Variants in ZBTB20 observed in about 807,000 individuals in gnomAD.
ZBTB20 encodes zinc finger and BTB domain containing 20, also known as zinc finger and BTB domain-containing protein 20.
In ZBTB20, 9 loss-of-function variants were observed where a neutral mutation model predicts 56.9. That is an observed-to-expected ratio of 0.16 (90% CI 0.10 to 0.28). ZBTB20 has a LOEUF of 0.28. ZBTB20 is among the 10% of genes least tolerant of loss of function. The pLI is 1.00. For missense variants in ZBTB20, 655 were observed against 1,003.0 expected (o/e 0.65, Z 4.69); for synonymous variants, 417 against 420.7 (o/e 0.99, Z 0.11).
chr3:114,779,378 G>A (rs1303571365), intron 5 of ZBTB20, among the ~76,000 whole-genome samples: 1 of 152,054 alleles, frequency 6.6e-6, no homozygotes, highest in Non-Finnish European at 1.5e-5. Flanking sequence ...AGTTCCTAGA[G>A]GGTTGAGAAC....
chr3:114,335,897 C>T lies in ZBTB20; in HGVS notation c.*3108G>A, dbSNP rs1319126265. 2 of 152,136 alleles carry T rather than the reference C, an allele frequency of 1.3e-5. No homozygotes were observed. The highest frequency in any genetic ancestry group is 2.9e-5 in the Non-Finnish European group (2 of 68,012). 9.4% of individuals were successfully genotyped at this position (152,136 alleles called of 1,614,324 possible). Reference sequence around the variant, plus strand: ...CAAGTCACCTGCAGCTTTTTCTCTACATGTTCTACCAAAAGAAAAGGTGGA... The same window carrying T: ...CAAGTCACCTGCAGCTTTTTCTCTATATGTTCTACCAAAAGAAAAGGTGGA... On this transcript the variant is annotated 3_prime_UTR_variant, in exon 12 of 12. Coordinates refer to ENST00000675478, the MANE Select transcript of ZBTB20 (RefSeq NM_001348800.3).
intron 3 of ZBTB20, among the ~76,000 whole-genome samples, chr3:114,914,975 T>C (rs149878229): frequency 3.9e-5 from 6 of 152,034 alleles, no homozygotes; most frequent in African/African-American, 9.6e-5. Flanking sequence ...AGTATTTGCT[T>C]ATGGATTTTT....
intron 7 of ZBTB20, among the ~76,000 whole-genome samples, chr3:114,439,685 C>A (rs895741617): frequency 2.0e-5 from 3 of 152,162 alleles, no homozygotes; most frequent in Admixed American, 1.3e-4. Context: ...TAGCCTACTT[C>A]TTGAGTGGAT....
At chr3:115,010,638 G>T (rs1355347006) in intron 2 of ZBTB20, among the ~76,000 whole-genome samples, 1 of 151,888 alleles carries the variant, frequency 6.6e-6, no homozygotes, top group South Asian at 2.1e-4. Context: ...CAACATTCAG[G>T]TCTTTTCAAA....
At position 114,562,287 on chromosome 3, in the gene ZBTB20, C is replaced by A. The variant is rs546135432; in HGVS notation, c.-294-61896G>T. On this transcript the variant is annotated intron_variant, in intron 6 of 11. Coordinates refer to ENST00000675478, the MANE Select transcript of ZBTB20 (RefSeq NM_001348800.3). Reference sequence around the variant, plus strand: ...TCAAGCGATTCTCCTGCCTCAGCCTCCTGAGTAGCTGGAACTACAGACACG... The same window carrying A: ...TCAAGCGATTCTCCTGCCTCAGCCTACTGAGTAGCTGGAACTACAGACACG... 3.3e-5 allele frequency among the ~76,000 whole-genome samples: 5 copies of A among 152,024 alleles called. No homozygotes were observed. In the South Asian group the frequency reaches 1.0e-3, roughly 32 times the overall value.
chr3:114,641,222 A>G (rs555474371), intron 6 of ZBTB20, among the ~76,000 whole-genome samples: 125 of 152,098 alleles, frequency 8.2e-4, no homozygotes, highest in African/African-American at 2.9e-3. Context: ...AAATTTGGCC[A>G]AGCATGTTGT....
At chr3:114,853,223 C>T (rs2075083160) in intron 4 of ZBTB20, among the ~76,000 whole-genome samples, 1 of 152,148 alleles carries the variant, frequency 6.6e-6, no homozygotes, top group Non-Finnish European at 1.5e-5. Context: ...CTTCTGCAGA[C>T]CACCTATAGC....
At chr3:114,623,594 T>G (rs527573944) in intron 6 of ZBTB20, among the ~76,000 whole-genome samples, 1 of 152,286 alleles carries the variant, frequency 6.6e-6, no homozygotes, top group Non-Finnish European at 1.5e-5. Context: ...GTTAGCAAAG[T>G]GATCTTTAGA....
At chr3:114,720,070 T>A (rs893887749) in intron 5 of ZBTB20, among the ~76,000 whole-genome samples, 2 of 149,624 alleles carry the variant, frequency 1.3e-5, no homozygotes, top group African/African-American at 2.4e-5. Context: ...AATTCTTACA[T>A]ATATAATATA....
At chr3:114,517,310 A>G (rs2046113697) in intron 6 of ZBTB20, among the ~76,000 whole-genome samples, 1 of 152,212 alleles carries the variant, frequency 6.6e-6, no homozygotes, top group Admixed American at 6.5e-5. Context: ...GGGAACATAT[A>G]TTAAACAAGA....
chr3:114,997,844 T>C (rs1262038472), intron 2 of ZBTB20, among the ~76,000 whole-genome samples: 1 of 151,764 alleles, frequency 6.6e-6, no homozygotes, highest in Non-Finnish European at 1.5e-5. Context: ...ATGTTAAGCA[T>C]GTACTTAGAT....
At chr3:114,910,083 A>C (rs997796077) in intron 3 of ZBTB20, among the ~76,000 whole-genome samples, 4 of 151,820 alleles carry the variant, frequency 2.6e-5, no homozygotes, top group African/African-American at 9.7e-5. Context: ...AAAAGAAAAA[A>C]CAAATCTATT....
intron 5 of ZBTB20, among the ~76,000 whole-genome samples, chr3:114,713,018 G>T (rs1274432433): frequency 2.6e-5 from 4 of 152,110 alleles, no homozygotes; most frequent in African/African-American, 9.7e-5. Flanking sequence ...GGTACATGTA[G>T]AATATATGAT....
chr3:115,132,929 T>C (rs1233425860), intron 1 of ZBTB20, among the ~76,000 whole-genome samples: 1 of 152,204 alleles, frequency 6.6e-6, no homozygotes, highest in Non-Finnish European at 1.5e-5. Context: ...TATTTTAAAA[T>C]AGCTACTAGT....
At chr3:115,085,764 T>G (rs1393422659) in intron 1 of ZBTB20, among the ~76,000 whole-genome samples, 1 of 151,896 alleles carries the variant, frequency 6.6e-6, no homozygotes, top group African/African-American at 2.4e-5. Context: ...ACTCTCAAGC[T>G]TATTATATCA....
At chr3:115,125,384 T>C (rs535406070) in intron 1 of ZBTB20, among the ~76,000 whole-genome samples, 2 of 150,430 alleles carry the variant, frequency 1.3e-5, no homozygotes, top group South Asian at 4.2e-4. Context: ...ACATACACAA[T>C]GGAATACTAT....
chr3:114,622,360 A>G (rs1351185677), intron 6 of ZBTB20, among the ~76,000 whole-genome samples: 2 of 152,220 alleles, frequency 1.3e-5, no homozygotes, highest in Non-Finnish European at 2.9e-5. Context: ...AATATTATAC[A>G]TATAAATAGT....
intron 7 of ZBTB20, among the ~76,000 whole-genome samples, chr3:114,449,370 C>T (rs1559803096): frequency 6.6e-6 from 1 of 152,026 alleles, no homozygotes; most frequent in Admixed American, 6.6e-5. Flanking sequence ...ATAACTATAA[C>T]AAAACAGCTA....
At chr3:114,450,087 G>T (rs1180896243) in intron 7 of ZBTB20, among the ~76,000 whole-genome samples, 2 of 152,176 alleles carry the variant, frequency 1.3e-5, no homozygotes, top group Non-Finnish European at 2.9e-5. Flanking sequence ...TTAGAAAGGT[G>T]TCCAGGTCTA....
Sources: gnomAD v4.1 joint callset for allele counts (sites outside exome capture counted in the v4.1 genomes callset) on GRCh38, gnomAD v4.1.1 for gene constraint, MANE v1.5 for transcripts, NCBI Gene and HGNC (gene_info 2026-07-23, HGNC 2026-07-21) for gene names.